FADS2: variants seen among roughly 807,000 people sequenced by gnomAD.
FADS2 encodes the protein acyl-CoA 6-desaturase.
A neutral mutation model predicts 61.2 loss-of-function variants in FADS2; 18 were observed. That is an observed-to-expected ratio of 0.29 (90% CI 0.20 to 0.44). The LOEUF is 0.44. Ranked by LOEUF, FADS2 falls within the 20% of genes least tolerant of loss-of-function variation. The pLI, the probability that FADS2 is intolerant of heterozygous loss-of-function variation, is 1.00. For missense variants in FADS2, 322 were observed against 572.7 expected (o/e 0.56, Z 4.47); for synonymous variants, 203 against 223.9 (o/e 0.91, Z 0.83).
At chr11:61,857,220 A>AC in intron 6 of FADS2, 149 bp downstream of exon 6, 1 of 784,202 alleles carries the variant, frequency 1.3e-6, no homozygotes, top group Non-Finnish European at 2.2e-6. Flanking sequence ...TGCTGTGCAG[A>AC]CCCCTCAGCC....
At chr11:61,851,614 C>T (rs967709328) in intron 5 of FADS2, among the ~76,000 whole-genome samples, 3 of 152,222 alleles carry the variant, frequency 2.0e-5, no homozygotes. Context: ...TCTGATGGGA[C>T]TTGTCACATG....
chr11:61,836,581 C>T (rs1235755117), intron 1 of FADS2, among the ~76,000 whole-genome samples: 2 of 152,148 alleles, frequency 1.3e-5, no homozygotes, highest in South Asian at 4.2e-4. Context: ...GTTACTCAGG[C>T]TGGTCTTGAA....
At chr11:61,832,292 T>G (rs2067137261) in intron 1 of FADS2, among the ~76,000 whole-genome samples, 1 of 152,204 alleles carries the variant, frequency 6.6e-6, no homozygotes, top group Admixed American at 6.5e-5. Context: ...TCTGGCCTCC[T>G]TTGCACGGGG....
chr11:61,843,262 T>C (rs1480268859), intron 4 of FADS2, among the ~76,000 whole-genome samples: 1 of 152,148 alleles, frequency 6.6e-6, no homozygotes, highest in African/African-American at 2.4e-5. Flanking sequence ...AGACCCTGTC[T>C]CTACTAAAAA....
In FADS2 at chr11:61,865,251, A is replaced by G. The variant is rs776237590; in HGVS notation, c.1257A>G (p.Leu419=). Residue 419 remains leucine, a synonymous_variant, in exon 11 of 12, where the codon CTA becomes CTG. Transcript: ENST00000278840. The surrounding 1 kb of genome is among the most constrained non-coding windows in gnomAD (Gnocchi z 4.1). ...KHGIEYQEKP[L]LRALLDIIRS... is the part of the protein sequence containing the mutation. ...GCATTGAATACCAGGAGAAGCCGCT[A>G]CTGAGGGCCCTGCTGGACATCATCA... 1 of 1,613,636 alleles carries G rather than the reference A, an allele frequency of 6.2e-7. No homozygotes were observed.
Position 61,865,361 on chromosome 11 carries a change from C to A in FADS2, c.1283+84C>A. 1 of 1,496,436 alleles carries A rather than the reference C, an allele frequency of 6.7e-7. No homozygotes were observed. The highest frequency in any genetic ancestry group is 1.9e-5 in the Admixed American group (1 of 51,770). 92.7% of individuals were successfully genotyped at this position (1,496,436 alleles called of 1,614,324 possible). On this transcript the variant is annotated intron_variant, in intron 11 of 11. Coordinates refer to ENST00000278840, the MANE Select transcript of FADS2 (RefSeq NM_004265.4). The surrounding 1 kb of genome is among the most constrained non-coding windows in gnomAD (Gnocchi z 4.1). ...GGATCACAAGAGGGGCTGGGCCCTC[C>A]TGGCACAGTCACCCACCAGGGCACC...
intron 5 of FADS2, chr11:61,854,809 T>A (rs1300522951): frequency 6.6e-6 from 1 of 152,292 alleles, no homozygotes; most frequent in Non-Finnish European, 1.5e-5. Context: ...TGGGCACAGA[T>A]GTGTAGTGGT....
chr11:61,824,502 G>GAAGAAAGAAA (rs140558358), upstream of FADS2, among the ~76,000 whole-genome samples: 3 of 21,680 alleles, frequency 1.4e-4, no homozygotes, highest in Non-Finnish European at 2.9e-4. Flanking sequence ...AAGAAAGAAA[G>GAAGAAAGAAA]GAAAGAAAGA....
chr11:61,824,358 G>A (rs1286470128), upstream of FADS2, among the ~76,000 whole-genome samples: 11 of 145,752 alleles, frequency 7.5e-5, no homozygotes, highest in Admixed American at 7.0e-4. Context: ...CTCCAGCCTG[G>A]GGGATAGAGT....
intron 4 of FADS2, among the ~76,000 whole-genome samples, chr11:61,846,019 T>C (rs12286063): frequency 0.021 from 3,142 of 152,296 alleles, 115 homozygotes; most frequent in African/African-American, 0.072. Flanking sequence ...CTCAGTTTCT[T>C]TGTGCCAGAG....
In FADS2 at chr11:61,816,472, T is replaced by G. The variant is rs1204277710; in HGVS notation, c.141+46T>G. On this transcript the variant is annotated intron_variant, in intron 1 of 11. Transcript: ENST00000257261. This position sits in a 1 kb window ranked among gnomAD's most constrained non-coding sequence, Gnocchi z 7.0. ...GCTTTCCTCCGAATTAGTCGGTGTT[T>G]GGCTCGGAGTGCGTAACTCTGTCTC... 6.2e-7 allele frequency: 1 copy of G among 1,601,020 alleles called. No individual in the cohort carries two copies. Among genetic ancestry groups the G allele is most frequent in the Non-Finnish European group, 8.5e-7 (1 of 1,179,352 alleles).
chr11:61,862,851 C>A, intron 7 of FADS2, 121 bp from the exon 8 acceptor site: 1 of 768,318 alleles, frequency 1.3e-6, no homozygotes, highest in Non-Finnish European at 2.3e-6. Context: ...CATTGCATTT[C>A]AGTGGGCTGC....
At chr11:61,846,266 G>A (rs1177894357) in intron 4 of FADS2, among the ~76,000 whole-genome samples, 3 of 151,474 alleles carry the variant, frequency 2.0e-5, no homozygotes, top group South Asian at 2.1e-4. Context: ...ACAGGTGCCC[G>A]CCACCACGCC....
At chr11:61,825,631 A>T (rs2067078499), upstream of FADS2, among the ~76,000 whole-genome samples, 1 of 149,980 alleles carries the variant, frequency 6.7e-6, no homozygotes, top group Admixed American at 6.7e-5. Flanking sequence ...AAAAAAAAAA[A>T]AAGAAAGAAA....
chr11:61,848,212 T>C lies in FADS2; in HGVS notation c.672T>C (p.Pro224=). Residue 224 remains proline, a synonymous_variant, in exon 5 of 12, where the codon CCT becomes CCC. Coordinates refer to ENST00000278840, the MANE Select transcript of FADS2 (RefSeq NM_004265.4). ...NHRHFQHHAK[P]NIFHKDPDVN... is the part of the protein sequence containing the mutation. ...GCCACTTCCAGCACCACGCCAAGCC[T>C]AACATCTTCCACAAGGATCCCGATG... 1.2e-6 allele frequency: 2 copies of C among 1,614,194 alleles called. No individual in the cohort carries two copies. The highest frequency in any genetic ancestry group is 1.7e-6 in the Non-Finnish European group (2 of 1,180,030).
At chr11:61,844,197 T>TA (rs1451146853) in intron 4 of FADS2, among the ~76,000 whole-genome samples, 2 of 152,236 alleles carry the variant, frequency 1.3e-5, no homozygotes, top group Admixed American at 1.3e-4. Flanking sequence ...ATTCTAAGTG[T>TA]AAATGCTTTA....
Position 61,852,311 on chromosome 11 carries a change from A to G in FADS2, c.744+4027A>G, listed in dbSNP as rs555722934. On this transcript the variant is annotated intron_variant, in intron 5 of 11. Transcript: ENST00000278840. Reference sequence around the variant, plus strand: ...GGTCATGCTCTGTCACCTTGGCTAGAGCGTAGTGGCGCAATCTCGGTTCAC... The same window carrying G: ...GGTCATGCTCTGTCACCTTGGCTAGGGCGTAGTGGCGCAATCTCGGTTCAC... Among the ~76,000 whole-genome samples, 15 of 152,220 alleles carry G rather than the reference A, an allele frequency of 9.9e-5. No homozygotes were observed. The South Asian group carries it at 1.0e-3, about 11-fold the overall frequency.
Position 61,828,802 on chromosome 11 carries a change from C to T in FADS2, c.207+205C>T, listed in dbSNP as rs1350623434. The T allele has an allele frequency of 8.8e-6, 5 of 565,412 alleles. No individual in the cohort carries two copies. The highest frequency in any genetic ancestry group is 1.3e-5 in the Non-Finnish European group (4 of 319,226). 35.0% of individuals were successfully genotyped at this position (565,412 alleles called of 1,614,324 possible). A position where few individuals can be genotyped will look rare whatever the true frequency, so the allele number is the denominator to read the frequency against. ...ACTGGGGTGGAGACCGGATCTGGGACCCGGGGAGGCGGCGCTGCGGTGAAA... is the reference window on the plus strand; with the variant it reads ...ACTGGGGTGGAGACCGGATCTGGGATCCGGGGAGGCGGCGCTGCGGTGAAA... On this transcript the variant is annotated intron_variant, in intron 1 of 11. Coordinates refer to ENST00000278840, the MANE Select transcript of FADS2 (RefSeq NM_004265.4). The surrounding 1 kb of genome is among the most constrained non-coding windows in gnomAD (Gnocchi z 6.4).
At chr11:61,838,968 C>T (rs2067196626) in intron 2 of FADS2, among the ~76,000 whole-genome samples, 1 of 152,200 alleles carries the variant, frequency 6.6e-6, no homozygotes, top group Non-Finnish European at 1.5e-5. Context: ...AGCATCCAAG[C>T]TCCCACCAGG....
Sources: gnomAD v4.1 joint callset for allele counts (sites outside exome capture counted in the v4.1 genomes callset) on GRCh38, gnomAD v4.1.1 for gene constraint, Gnocchi (gnomAD v3.1) non-coding constraint, MANE v1.5 for transcripts, NCBI Gene and HGNC (gene_info 2026-07-23, HGNC 2026-07-21) for gene names.